Variants in SLC39A8 observed in about 807,000 individuals in gnomAD.
The protein encoded by SLC39A8 is metal cation symporter ZIP8.
A neutral mutation model predicts 40.4 loss-of-function variants in SLC39A8; 15 were observed. The ratio of observed to expected loss-of-function variants is 0.37; its 90% CI spans 0.25 to 0.57. SLC39A8 has a LOEUF of 0.57. Among genes scored for constraint, SLC39A8 ranks in the 20% least tolerant of loss-of-function variants. SLC39A8 has a pLI of 0.75. For synonymous variants in SLC39A8, 223 were observed against 221.6 expected, an observed-to-expected ratio of 1.01 and a Z score of -0.06; for missense variants, 472 against 558.8, an observed-to-expected ratio of 0.84 and a Z score of 1.57.
chr4:102,315,913 A>C, intron 2 of SLC39A8, 83 bp from the exon 3 acceptor site: 1 of 1,182,542 alleles, frequency 8.5e-7, no homozygotes, highest in Non-Finnish European at 1.2e-6. Context: ...GACACAGACT[A>C]TTTCATCTAG....
At position 102,304,311 on chromosome 4, in the gene SLC39A8, A is replaced by G. The variant is rs754632847; in HGVS notation, c.840+6T>C. On this transcript the variant is annotated splice_donor_region_variant and intron_variant, in intron 6 of 8. Transcript: ENST00000356736. ...ATAATGAAGGAAAAATGGAATTAAC[A>G]TATACCTGTAGAGATACCACACTGA... The G allele has an allele frequency of 1.2e-6, 2 of 1,604,896 alleles. No homozygotes were observed. The highest frequency in any genetic ancestry group is 1.1e-5 in the South Asian group (1 of 90,480).
At chr4:102,336,021 C>T (rs1242456784) in intron 2 of SLC39A8, among the ~76,000 whole-genome samples, 8 of 152,176 alleles carry the variant, frequency 5.3e-5, no homozygotes, top group African/African-American at 1.9e-4. Context: ...AATAACTATG[C>T]ATTGAGCACA....
At chr4:102,271,475 G>C (rs1214594949) in intron 6 of SLC39A8, among the ~76,000 whole-genome samples, 4 of 152,130 alleles carry the variant, frequency 2.6e-5, no homozygotes, top group South Asian at 2.1e-4. Context: ...ATATATATAG[G>C]TTCAGCATTC....
At chr4:102,322,705 T>G (rs2149045858) in intron 2 of SLC39A8, among the ~76,000 whole-genome samples, 1 of 152,252 alleles carries the variant, frequency 6.6e-6, no homozygotes, top group Admixed American at 6.5e-5. Flanking sequence ...CAGAAATGGT[T>G]TCAGATTTTG....
chr4:102,343,061 GC>G (rs1736012475), intron 2 of SLC39A8, among the ~76,000 whole-genome samples: 2 of 152,192 alleles, frequency 1.3e-5, no homozygotes, highest in African/African-American at 4.8e-5. Flanking sequence ...TAATTTGTGG[GC>G]ATTTCCATTT....
intron 4 of SLC39A8, among the ~76,000 whole-genome samples, chr4:102,306,915 C>G (rs1464496107): frequency 1.3e-5 from 2 of 151,804 alleles, no homozygotes; most frequent in Admixed American, 1.3e-4. Flanking sequence ...TTTATTAGTC[C>G]TCAATTGATA....
intron 6 of SLC39A8, among the ~76,000 whole-genome samples, chr4:102,278,168 G>A (rs1465392851): frequency 6.6e-6 from 1 of 152,172 alleles, no homozygotes; most frequent in Non-Finnish European, 1.5e-5. Context: ...CTTCTGCACA[G>A]CAAAAGAAAC....
intron 2 of SLC39A8, among the ~76,000 whole-genome samples, chr4:102,319,130 C>T (rs1734788290): frequency 6.6e-6 from 1 of 152,186 alleles, no homozygotes; most frequent in African/African-American, 2.4e-5. Flanking sequence ...AAAACCGTTT[C>T]AGCAAATAGT....
At chr4:102,270,917 G>T (rs1458934710) in intron 6 of SLC39A8, among the ~76,000 whole-genome samples, 1 of 152,064 alleles carries the variant, frequency 6.6e-6, no homozygotes, top group Non-Finnish European at 1.5e-5. Context: ...AAATTAAAAT[G>T]GAGAAAACAA....
At chr4:102,271,005 C>T (rs1159077112) in intron 6 of SLC39A8, among the ~76,000 whole-genome samples, 1 of 150,544 alleles carries the variant, frequency 6.6e-6, no homozygotes, top group Non-Finnish European at 1.5e-5. Context: ...ATAGGGAGCA[C>T]AAGGAAAGGG....
chr4:102,255,182 A>T (rs1731679819), intron 11 of SLC39A8, among the ~76,000 whole-genome samples: 1 of 152,216 alleles, frequency 6.6e-6, no homozygotes, highest in African/African-American at 2.4e-5. Flanking sequence ...GCTAAATTCA[A>T]GAGCTGGGAA....
intron 8 of SLC39A8, among the ~76,000 whole-genome samples, chr4:102,264,548 T>C (rs1732011767): frequency 6.6e-6 from 1 of 152,216 alleles, no homozygotes; most frequent in African/African-American, 2.4e-5. Flanking sequence ...CAACTTAAAG[T>C]TACCAGCTGC....
At chr4:102,331,198 T>C (rs540732469) in intron 2 of SLC39A8, among the ~76,000 whole-genome samples, 35 of 152,116 alleles carry the variant, frequency 2.3e-4, no homozygotes, top group Non-Finnish European at 4.0e-4. Flanking sequence ...GAGAAAGAAA[T>C]GAAGGGTATT....
At chr4:102,268,995 C>T (rs1320991772) in intron 6 of SLC39A8, among the ~76,000 whole-genome samples, 1 of 152,116 alleles carries the variant, frequency 6.6e-6, no homozygotes, top group Non-Finnish European at 1.5e-5. Context: ...AATTCTCCTC[C>T]TCTCACCTCT....
At chr4:102,328,619 G>A (rs182901254) in intron 2 of SLC39A8, among the ~76,000 whole-genome samples, 12 of 152,194 alleles carry the variant, frequency 7.9e-5, no homozygotes, top group Middle Eastern at 3.4e-3. Flanking sequence ...CTTGAATATC[G>A]CCTAAATGTC....
chr4:102,264,913 C>A (rs1421988730), intron 8 of SLC39A8, among the ~76,000 whole-genome samples: 1 of 152,198 alleles, frequency 6.6e-6, no homozygotes, highest in African/African-American at 2.4e-5. Context: ...TTATTCCTTG[C>A]TCTGAAATAG....
At chr4:102,289,897 G>T in intron 6 of SLC39A8, among the ~76,000 whole-genome samples, 1 of 152,128 alleles carries the variant, frequency 6.6e-6, no homozygotes, top group East Asian at 1.9e-4. Flanking sequence ...TGACAACAAA[G>T]GATTTAGAAT....
chr4:102,341,416 G>A (rs1735934797), intron 2 of SLC39A8, among the ~76,000 whole-genome samples: 1 of 152,172 alleles, frequency 6.6e-6, no homozygotes. Context: ...AGGAACAGCT[G>A]AACAAACAAA....
intron 6 of SLC39A8, among the ~76,000 whole-genome samples, chr4:102,299,366 G>T (rs1454405727): frequency 6.6e-6 from 1 of 151,342 alleles, no homozygotes; most frequent in Non-Finnish European, 1.5e-5. Context: ...GTTATGTTAT[G>T]GAAGGGTGGA....
Sources: allele counts gnomAD v4.1 joint callset (sites outside exome capture counted in the v4.1 genomes callset), GRCh38; gene constraint gnomAD v4.1.1; transcripts MANE v1.5; gene names NCBI Gene and HGNC (gene_info 2026-07-23, HGNC 2026-07-21).